EPB41L4B: variants seen among roughly 807,000 people sequenced by gnomAD.
EPB41L4B encodes erythrocyte membrane protein band 4.1 like 4B.
In EPB41L4B, 30 loss-of-function variants were observed where a neutral mutation model predicts 112.5. The ratio of observed to expected loss-of-function variants is 0.27; its 90% CI spans 0.20 to 0.36. The LOEUF is 0.36. EPB41L4B is among the 10% of genes least tolerant of loss of function. The pLI is 1.00. For synonymous variants in EPB41L4B, 408 were observed against 439.7 expected, an observed-to-expected ratio of 0.93 and a Z score of 0.90; for missense variants, 1,024 against 1,133.3, an observed-to-expected ratio of 0.90 and a Z score of 1.38.
rs1469719628 is a variant in EPB41L4B, at chr9:109,258,257, C to T, written c.672G>A (p.Glu224=). 2.5e-6 allele frequency: 4 copies of T among 1,613,918 alleles called. No individual in the cohort carries two copies. The highest frequency in any genetic ancestry group is 3.4e-6 in the Non-Finnish European group (4 of 1,179,908). Reference sequence around the variant, plus strand: ...GAATGAACCGAAACTCAGACACAAGCTCTGGTGTGTGTTCTGGAAGCTCGC... The same window carrying T: ...GAATGAACCGAAACTCAGACACAAGTTCTGGTGTGTGTTCTGGAAGCTCGC... ...GECELPEHTP[E]LVSEFRFIPN... The change falls in exon 7 of 26, where the codon GAG becomes GAA. Residue 224 remains glutamate, a synonymous_variant. Coordinates refer to ENST00000374566, the MANE Select transcript of EPB41L4B (RefSeq NM_019114.5).
Position 109,251,510 on chromosome 9 carries a change from T to C in EPB41L4B, c.1281A>G (p.Ala427=), listed in dbSNP as rs1231837598. The change falls in exon 13 of 26, where the codon GCA becomes GCG. Residue 427 remains alanine, a splice_region_variant and synonymous_variant. Transcript: ENST00000374566. ...YPSRRHSTFK[A]SNPVIAAQLC... ...GCTGGGCTGCTATCACTGGGTTGCT[T>C]GCTATAAAGGAAAAACAGAAAGTTA... is the stretch of plus-strand genomic sequence containing the variant. The C allele has an allele frequency of 6.2e-7, 1 of 1,614,042 alleles. No homozygotes were observed. The highest frequency in any genetic ancestry group is 8.5e-7 in the Non-Finnish European group (1 of 1,179,856).
At chr9:109,217,231 T>G (rs1833407892) in intron 15 of EPB41L4B, 86 bp from the exon 16 acceptor site, 1 of 1,157,210 alleles carries the variant, frequency 8.6e-7, no homozygotes, top group African/African-American at 1.5e-5. Context: ...TTCTAGGCAT[T>G]AAACACTGAA....
chr9:109,241,400 A>G, intron 15 of EPB41L4B: 2 of 1,217,266 alleles, frequency 1.6e-6, no homozygotes, highest in Non-Finnish European at 1.0e-6. Context: ...ATAAACATAG[A>G]CTTTGACTCC....
At position 109,298,650 on chromosome 9, in the gene EPB41L4B, G is replaced by T. The variant is rs567672916; in HGVS notation, c.307-18729C>A. On this transcript the variant is annotated intron_variant, in intron 1 of 25. Coordinates refer to ENST00000374566, the MANE Select transcript of EPB41L4B (RefSeq NM_019114.5). ...TTAAAAGCAACAACTGAATGCCAAG[G>T]AACAAGTGTTAACTGGTACTATGAT... 2.6e-5 allele frequency among the ~76,000 whole-genome samples: 4 copies of T among 152,282 alleles called. No homozygotes were observed. The East Asian group carries it at 7.7e-4, about 29-fold the overall frequency.
At chr9:109,230,006 C>T (rs1178059658) in intron 15 of EPB41L4B, among the ~76,000 whole-genome samples, 1 of 152,188 alleles carries the variant, frequency 6.6e-6, no homozygotes, top group Non-Finnish European at 1.5e-5. Context: ...TGTGTTTTTA[C>T]AGCAGATGGT....
chr9:109,271,037 T>G (rs1240614573), intron 2 of EPB41L4B, among the ~76,000 whole-genome samples: 1 of 152,236 alleles, frequency 6.6e-6, no homozygotes, highest in Non-Finnish European at 1.5e-5. Context: ...CACAACCCCT[T>G]CTCGAAATTG....
chr9:109,179,628 T>C (rs553229921), intron 24 of EPB41L4B, among the ~76,000 whole-genome samples: 7 of 152,126 alleles, frequency 4.6e-5, no homozygotes, highest in African/African-American at 1.7e-4. Flanking sequence ...CAAACTCATC[T>C]CTCCCAACCA....
At chr9:109,231,975 A>G (rs978851796) in intron 15 of EPB41L4B, among the ~76,000 whole-genome samples, 5 of 151,816 alleles carry the variant, frequency 3.3e-5, no homozygotes, top group Non-Finnish European at 5.9e-5. Flanking sequence ...CACTTCTAAT[A>G]AGCTAGACTT....
At chr9:109,291,219 C>A (rs1836514757) in intron 1 of EPB41L4B, among the ~76,000 whole-genome samples, 1 of 152,254 alleles carries the variant, frequency 6.6e-6, no homozygotes, top group African/African-American at 2.4e-5. Flanking sequence ...CTTTCTATCT[C>A]ATCCCACTAC....
At chr9:109,220,736 T>C (rs1833544092) in intron 15 of EPB41L4B, among the ~76,000 whole-genome samples, 1 of 152,026 alleles carries the variant, frequency 6.6e-6, no homozygotes, top group Admixed American at 6.6e-5. Flanking sequence ...GACGGTTCTG[T>C]GTGTGTGCGT....
chr9:109,236,267 A>T (rs1036612074), intron 15 of EPB41L4B, among the ~76,000 whole-genome samples: 2 of 152,196 alleles, frequency 1.3e-5, no homozygotes, highest in Admixed American at 1.3e-4. Flanking sequence ...GGGCCAGTTA[A>T]TGATGAAATT....
chr9:109,200,346 C>T lies in EPB41L4B; in HGVS notation c.1947-12G>A. On this transcript the variant is annotated splice_polypyrimidine_tract_variant and intron_variant, in intron 19 of 25. Transcript: ENST00000374566. ...TAGGAATAGGACTTCTAGAGACACA[C>T]CGAAAAACAGAACAATACCATCAAA... 2 of 1,607,478 alleles carry T rather than the reference C, an allele frequency of 1.2e-6. No homozygotes were observed. The highest frequency in any genetic ancestry group is 1.7e-6 in the Non-Finnish European group (2 of 1,174,206).
chr9:109,192,014 A>G (rs2118683973), intron 22 of EPB41L4B, among the ~76,000 whole-genome samples: 1 of 152,328 alleles, frequency 6.6e-6, no homozygotes, highest in Admixed American at 6.5e-5. Context: ...GAGGAGCCCT[A>G]TAACACTCGA....
At position 109,208,021 on chromosome 9, in the gene EPB41L4B, G is replaced by C; in HGVS notation, c.1781C>G (p.Thr594Ser). ...GGAAGGCAAAAGTGGAGTCTGAAGA[G>C]TTTTCTCCGAGACTTTCTTTTCTTC... is the stretch of plus-strand genomic sequence containing the variant. The part of the protein sequence containing the change: ...KAEEKKVSEK[T>S]LQTPLLPSPV... Residue 594 changes from threonine (T) to serine (S), a missense_variant, in exon 18 of 26, where the codon ACT becomes AGT. Physicochemically the swap from Thr to Ser is moderately conservative, Grantham distance 58. Transcript: ENST00000374566. 6.2e-7 allele frequency: 1 copy of C among 1,614,112 alleles called. No homozygotes were observed. Among genetic ancestry groups the C allele is most frequent in the Non-Finnish European group, 8.5e-7 (1 of 1,180,000 alleles).
At chr9:109,304,119 G>A (rs1405035681) in intron 1 of EPB41L4B, among the ~76,000 whole-genome samples, 1 of 152,084 alleles carries the variant, frequency 6.6e-6, no homozygotes, top group African/African-American at 2.4e-5. Flanking sequence ...CATAAAACAG[G>A]GCAGTAGCTA....
In EPB41L4B at chr9:109,240,773, G is replaced by C. The variant is rs944282312; in HGVS notation, c.1409+2845C>G. 7 of 985,300 alleles carry C rather than the reference G, an allele frequency of 7.1e-6. No individual in the cohort carries two copies. In the African/African-American group the frequency reaches 1.0e-4, roughly 15 times the overall value. 61.0% of individuals were successfully genotyped at this position (985,300 alleles called of 1,614,324 possible). A position where few individuals can be genotyped will look rare whatever the true frequency, so the allele number is the denominator to read the frequency against. On this transcript the variant is annotated intron_variant, in intron 15 of 25. Transcript: ENST00000374566. ...TGATTGCACGTTGCTTTTTAAGAGT[G>C]AAGTCTAGGGTAAAAACCAATCCCC...
intron 24 of EPB41L4B, 90 bp downstream of exon 24, chr9:109,182,639 G>A (rs908335364): frequency 1.6e-5 from 15 of 913,848 alleles, no homozygotes; most frequent in South Asian, 7.0e-5. Context: ...CAAAAGAAGC[G>A]GTTGACCTTG....
rs1367900782 is a variant in EPB41L4B at position 109,203,744 on chromosome 9, C to T, written c.1879-14G>A. The T allele has an allele frequency of 6.2e-7, 1 of 1,609,886 alleles. No individual in the cohort carries two copies. The highest frequency in any genetic ancestry group is 2.2e-5 in the East Asian group (1 of 44,854). ...CTCCTTTCCACCCTGTTAAAGAAAG[C>T]ATTCAGGTTAGTCAAAACTGAATAT... On this transcript the variant is annotated splice_polypyrimidine_tract_variant and intron_variant, in intron 18 of 25. Coordinates refer to ENST00000374566, the MANE Select transcript of EPB41L4B (RefSeq NM_019114.5).
rs369107075 is a variant in EPB41L4B, at chr9:109,216,865, C to G, written c.1633+57G>C. The stretch of plus-strand genomic sequence containing the variant: ...CTGTCTTAAGAATCTAGGGAACTCT[C>G]GTGCCCTGCAGCATTGCTCCCCCTT... On this transcript the variant is annotated intron_variant, in intron 16 of 25. Coordinates refer to ENST00000374566, the MANE Select transcript of EPB41L4B (RefSeq NM_019114.5). The G allele has an allele frequency of 4.0e-6, 6 of 1,514,000 alleles. No individual in the cohort carries two copies. In the East Asian group the frequency reaches 9.0e-5, roughly 23 times the overall value. 93.8% of individuals were successfully genotyped at this position (1,514,000 alleles called of 1,614,324 possible).
Sources: gnomAD v4.1 joint callset for allele counts (sites outside exome capture counted in the v4.1 genomes callset) on GRCh38, gnomAD v4.1.1 for gene constraint, MANE v1.5 for transcripts, NCBI Gene and HGNC (gene_info 2026-07-23, HGNC 2026-07-21) for gene names.